ASAP1: variants seen among roughly 807,000 people sequenced by gnomAD.
The protein encoded by ASAP1 is ArfGAP with SH3 domain, ankyrin repeat and PH domain 1, also known as arf-GAP with SH3 domain, ANK repeat and PH domain-containing protein 1.
A neutral mutation model predicts 145.2 loss-of-function variants in ASAP1; 43 were observed. The ratio of observed to expected loss-of-function variants is 0.30; its 90% CI spans 0.23 to 0.38. The LOEUF (loss-of-function observed/expected upper bound fraction) is 0.38, where lower values mean the gene tolerates loss of function less well. Among genes scored for constraint, ASAP1 ranks in the 10% least tolerant of loss-of-function variants. ASAP1 has a pLI of 1.00. For synonymous variants in ASAP1, 546 were observed against 515.5 expected (o/e 1.06, Z -0.80); for missense variants, 1,018 against 1,355.3 (o/e 0.75, Z 3.91).
At chr8:130,252,007 T>C (rs1207336503) in intron 3 of ASAP1, among the ~76,000 whole-genome samples, 1 of 152,204 alleles carries the variant, frequency 6.6e-6, no homozygotes, top group African/African-American at 2.4e-5. Context: ...AAAACAACTG[T>C]TGCCATTTCC....
At chr8:130,255,164 T>C (rs891959881) in intron 3 of ASAP1, among the ~76,000 whole-genome samples, 10 of 152,178 alleles carry the variant, frequency 6.6e-5, no homozygotes, top group Non-Finnish European at 1.0e-4. Context: ...AAAATATATA[T>C]ATTTCACCCC....
intron 24 of ASAP1, among the ~76,000 whole-genome samples, chr8:130,109,480 A>G (rs2097543224): frequency 6.6e-6 from 1 of 152,072 alleles, no homozygotes; most frequent in African/African-American, 2.4e-5. Flanking sequence ...GTCTCACTGG[A>G]AGACTTAATT....
At chr8:130,162,742 C>T (rs1334736889) in intron 11 of ASAP1, among the ~76,000 whole-genome samples, 1 of 151,208 alleles carries the variant, frequency 6.6e-6, no homozygotes, top group Admixed American at 6.6e-5. Context: ...GGCGTGAACC[C>T]AGGAGGCGGG....
intron 2 of ASAP1, among the ~76,000 whole-genome samples, chr8:130,373,180 C>G (rs1168006567): frequency 7.1e-6 from 1 of 140,516 alleles, no homozygotes; most frequent in African/African-American, 2.7e-5. Flanking sequence ...AAACAAGAGC[C>G]AGAAAAAAAA....
At chr8:130,282,565 A>G (rs1202425908) in intron 3 of ASAP1, among the ~76,000 whole-genome samples, 1 of 152,216 alleles carries the variant, frequency 6.6e-6, no homozygotes, top group African/African-American at 2.4e-5. Context: ...GCACTTAATA[A>G]GATCCCCTTT....
rs149674644 is a variant in ASAP1 at position 130,054,630 on chromosome 8, C to T, written c.*101G>A. The T allele has an allele frequency of 9.8e-7, 1 of 1,024,716 alleles. No individual in the cohort carries two copies. The highest frequency in any genetic ancestry group is 2.5e-5 in the East Asian group (1 of 40,360). 63.5% of individuals were successfully genotyped at this position (1,024,716 alleles called of 1,614,324 possible). A position where few individuals can be genotyped will look rare whatever the true frequency, so the allele number is the denominator to read the frequency against. Reference sequence around the variant, plus strand: ...CCTGAGGTGGCCCTTCCATGAGTTTCTTACTCTGTAACAGCAGCTATATAC... The same window carrying T: ...CCTGAGGTGGCCCTTCCATGAGTTTTTTACTCTGTAACAGCAGCTATATAC... On this transcript the variant is annotated 3_prime_UTR_variant, in exon 30 of 30. Coordinates refer to ENST00000518721, the MANE Select transcript of ASAP1 (RefSeq NM_018482.4).
chr8:130,159,822 G>C, intron 12 of ASAP1, 42 bp downstream of exon 12: 1 of 1,490,414 alleles, frequency 6.7e-7, no homozygotes, highest in Non-Finnish European at 9.4e-7. Context: ...ACATTTTCTA[G>C]GTTAATCACA....
At chr8:130,260,754 A>C (rs1426737481) in intron 3 of ASAP1, among the ~76,000 whole-genome samples, 1 of 152,180 alleles carries the variant, frequency 6.6e-6, no homozygotes, top group African/African-American at 2.4e-5. Context: ...TATGTGCCGA[A>C]CCACTTGCGC....
intron 2 of ASAP1, among the ~76,000 whole-genome samples, chr8:130,393,759 G>T (rs1324193750): frequency 1.3e-5 from 2 of 152,076 alleles, no homozygotes; most frequent in East Asian, 3.9e-4. Context: ...CTGTGTTGCG[G>T]GAAGTCAGGG....
At chr8:130,196,799 C>T (rs533906331) in intron 5 of ASAP1, among the ~76,000 whole-genome samples, 1 of 152,332 alleles carries the variant, frequency 6.6e-6, no homozygotes, top group South Asian at 2.1e-4. Flanking sequence ...AATGAGCCAG[C>T]TCCCAGTAGT....
At chr8:130,072,824 T>TGTGTGTGTGTGCGCGTGTGCGC in intron 27 of ASAP1, among the ~76,000 whole-genome samples, 6 of 32,282 alleles carry the variant, frequency 1.9e-4, no homozygotes, top group African/African-American at 7.3e-4. Flanking sequence ...TGTGTGTGTG[T>TGTGTGTGTGTGCGCGTGTGCGC]GCGCGCGGGG....
intron 12 of ASAP1, among the ~76,000 whole-genome samples, chr8:130,158,596 A>C (rs2097662669): frequency 6.6e-6 from 1 of 152,172 alleles, no homozygotes; most frequent in African/African-American, 2.4e-5. Context: ...TCATTTGTTT[A>C]AGCAACAGAA....
intron 3 of ASAP1, among the ~76,000 whole-genome samples, chr8:130,251,282 G>C (rs752802928): frequency 3.3e-5 from 5 of 152,246 alleles, no homozygotes; most frequent in African/African-American, 4.8e-5. Flanking sequence ...GCCCGATGTG[G>C]TGATGGGCAC....
At chr8:130,372,973 TACAC>T (rs1288124552) in intron 2 of ASAP1, among the ~76,000 whole-genome samples, 8 of 147,062 alleles carry the variant, frequency 5.4e-5, no homozygotes, top group Admixed American at 2.0e-4. Context: ...CACACAGACA[TACAC>T]ACATACGCAC....
chr8:130,162,827 A>AC (rs1341196335), intron 11 of ASAP1: 1 of 152,152 alleles, frequency 6.6e-6, no homozygotes, highest in Admixed American at 6.6e-5. Flanking sequence ...CAAAAAAAAA[A>AC]AAAAACAAAC....
intron 13 of ASAP1, among the ~76,000 whole-genome samples, chr8:130,144,513 C>T (rs535305461): frequency 6.6e-6 from 1 of 152,302 alleles, no homozygotes; most frequent in East Asian, 1.9e-4. Flanking sequence ...CACACTGTTT[C>T]CCTGTCAAGC....
intron 25 of ASAP1, chr8:130,083,513 T>G (rs1231540460): frequency 6.6e-6 from 1 of 152,196 alleles, no homozygotes; most frequent in Non-Finnish European, 1.5e-5. Context: ...TGCTGACCAG[T>G]GGGTATGAGT....
chr8:130,306,673 T>G (rs1050264603), intron 3 of ASAP1, among the ~76,000 whole-genome samples: 1 of 152,188 alleles, frequency 6.6e-6, no homozygotes, highest in African/African-American at 2.4e-5. Flanking sequence ...GATGTAAGGA[T>G]GAAAGGAGCT....
intron 2 of ASAP1, among the ~76,000 whole-genome samples, chr8:130,374,696 G>C (rs535007483): frequency 1.2e-4 from 18 of 152,364 alleles, no homozygotes; most frequent in African/African-American, 3.4e-4. Flanking sequence ...AGATGTTAAA[G>C]TTGCGCTGAG....
Sources: gnomAD v4.1 joint callset for allele counts (sites outside exome capture counted in the v4.1 genomes callset) on GRCh38, gnomAD v4.1.1 for gene constraint, MANE v1.5 for transcripts, NCBI Gene and HGNC (gene_info 2026-07-23, HGNC 2026-07-21) for gene names.